MTSS1: variants seen among roughly 807,000 people sequenced by gnomAD.
The protein encoded by MTSS1 is MTSS I-BAR domain containing 1.
MTSS1 carries 18 observed loss-of-function variants against 79.0 expected under a neutral mutation model. That is an observed-to-expected ratio of 0.23 (90% CI 0.16 to 0.34). The LOEUF (loss-of-function observed/expected upper bound fraction) is 0.34. MTSS1 is among the 10% of genes least tolerant of loss of function. The pLI is 1.00. For missense variants in MTSS1, 815 were observed against 986.2 expected (o/e 0.83, Z 2.33); for synonymous variants, 341 against 368.6 (o/e 0.93, Z 0.86).
intron 6 of MTSS1, among the ~76,000 whole-genome samples, chr8:124,572,322 A>G (rs1015700583): frequency 1.3e-5 from 2 of 152,226 alleles, no homozygotes; most frequent in Non-Finnish European, 2.9e-5. Context: ...AGCTAAAACT[A>G]CAATGTTTAT....
At chr8:124,648,717 C>A (rs983125415) in intron 3 of MTSS1, among the ~76,000 whole-genome samples, 18 of 151,938 alleles carry the variant, frequency 1.2e-4, no homozygotes, top group East Asian at 3.9e-4. Context: ...CAGCCCCCCC[C>A]CAGATACTGA....
intron 3 of MTSS1, among the ~76,000 whole-genome samples, chr8:124,593,352 G>A (rs774248545): frequency 5.3e-5 from 8 of 152,330 alleles, no homozygotes; most frequent in Admixed American, 6.5e-5. Context: ...ATGTGGTAGC[G>A]TCTATCAAGA....
intron 1 of MTSS1, among the ~76,000 whole-genome samples, chr8:124,718,664 T>G (rs890856359): frequency 6.6e-6 from 1 of 152,192 alleles, no homozygotes; most frequent in Non-Finnish European, 1.5e-5. Flanking sequence ...CCCTGGGAAC[T>G]AATCCCTGAG....
intron 3 of MTSS1, among the ~76,000 whole-genome samples, chr8:124,669,991 C>T (rs969688069): frequency 2.0e-5 from 3 of 152,180 alleles, no homozygotes; most frequent in African/African-American, 7.2e-5. Context: ...TTACTGAGCG[C>T]CAGGTACTGT....
intron 6 of MTSS1, among the ~76,000 whole-genome samples, chr8:124,574,124 T>C (rs1399285743): frequency 6.6e-6 from 1 of 152,156 alleles, no homozygotes; most frequent in Non-Finnish European, 1.5e-5. Flanking sequence ...TTTGTATTTT[T>C]TGTAGAGACA....
rs117652742 is a variant in MTSS1 at position 124,627,791 on chromosome 8, G to A, written c.209-36556C>T. On this transcript the variant is annotated intron_variant, in intron 3 of 13. Coordinates refer to ENST00000518547, the MANE Select transcript of MTSS1 (RefSeq NM_014751.6). ...CACAGGCCATAGGGAGTCCGGGAGA[G>A]AAGCACAGGGAGACAGTGTGAACTG... is the stretch of plus-strand genomic sequence containing the variant. Among the ~76,000 whole-genome samples the A allele has an allele frequency of 5.7e-3, 876 of 152,378 alleles. 5 individuals are homozygous for A. Among genetic ancestry groups the A allele is most frequent in the Non-Finnish European group, 9.5e-3 (648 of 68,036 alleles).
At chr8:124,556,831 T>G (rs1383501174) in intron 11 of MTSS1, among the ~76,000 whole-genome samples, 1 of 152,180 alleles carries the variant, frequency 6.6e-6, no homozygotes, top group Non-Finnish European at 1.5e-5. Context: ...ACATCAGCCC[T>G]TCTCCCTCCA....
chr8:124,659,468 C>T (rs1156700168), intron 3 of MTSS1, among the ~76,000 whole-genome samples: 1 of 152,120 alleles, frequency 6.6e-6, no homozygotes, highest in Non-Finnish European at 1.5e-5. Flanking sequence ...TAGATTGAAA[C>T]ACATGAATGG....
chr8:124,632,279 C>CAAAAAAAAAAAAA (rs59976165), intron 3 of MTSS1, among the ~76,000 whole-genome samples: 1 of 69,170 alleles, frequency 1.4e-5, no homozygotes, highest in Non-Finnish European at 3.1e-5. Flanking sequence ...GACTCTGTCT[C>CAAAAAAAAAAAAA]AAAAAAAAAA....
intron 1 of MTSS1, among the ~76,000 whole-genome samples, chr8:124,707,268 CA>C (rs1830505716): frequency 6.6e-6 from 1 of 152,018 alleles, no homozygotes; most frequent in African/African-American, 2.4e-5. Flanking sequence ...AAAGGTGGGC[CA>C]GGGGCAGTGG....
chr8:124,676,142 G>A (rs1825246374), intron 3 of MTSS1, among the ~76,000 whole-genome samples: 1 of 152,188 alleles, frequency 6.6e-6, no homozygotes, highest in Non-Finnish European at 1.5e-5. Flanking sequence ...GGCACATGAA[G>A]CGTTTGTGAA....
At chr8:124,587,655 C>T (rs564918970) in intron 5 of MTSS1, among the ~76,000 whole-genome samples, 7 of 152,246 alleles carry the variant, frequency 4.6e-5, no homozygotes, top group African/African-American at 1.4e-4. Context: ...CATGCCACCA[C>T]GCCCAGCTAA....
At chr8:124,653,661 T>C (rs529406632) in intron 3 of MTSS1, among the ~76,000 whole-genome samples, 20 of 152,302 alleles carry the variant, frequency 1.3e-4, no homozygotes, top group African/African-American at 4.8e-4. Context: ...GAGGCTGAGG[T>C]TGCAGTGAGC....
chr8:124,684,385 C>T (rs1016509446), intron 3 of MTSS1, among the ~76,000 whole-genome samples: 2 of 152,126 alleles, frequency 1.3e-5, no homozygotes, highest in African/African-American at 2.4e-5. Context: ...AACTGCAACA[C>T]GGTTTTATAA....
chr8:124,602,207 A>ATATATACATAT, intron 3 of MTSS1, among the ~76,000 whole-genome samples: 1 of 142,222 alleles, frequency 7.0e-6, no homozygotes, highest in African/African-American at 2.7e-5. Context: ...ATATATATAT[A>ATATATACATAT]ATTTTTTTTT....
chr8:124,622,701 G>A (rs1813823182), intron 3 of MTSS1, among the ~76,000 whole-genome samples: 1 of 150,830 alleles, frequency 6.6e-6, no homozygotes, highest in East Asian at 2.0e-4. Context: ...GCTGAGGCAG[G>A]AGAATCGCTT....
At chr8:124,688,170 G>A (rs571089500) in intron 3 of MTSS1, among the ~76,000 whole-genome samples, 110 of 152,184 alleles carry the variant, frequency 7.2e-4, no homozygotes, top group Admixed American at 3.3e-4. Context: ...ATGTGCGTAC[G>A]TGTGCGTGTG....
intron 5 of MTSS1, among the ~76,000 whole-genome samples, chr8:124,587,673 T>C (rs1351273929): frequency 6.6e-6 from 1 of 152,140 alleles, no homozygotes; most frequent in Non-Finnish European, 1.5e-5. Context: ...TAATTGGTTT[T>C]TTTGTATTTT....
intron 1 of MTSS1, among the ~76,000 whole-genome samples, chr8:124,724,635 A>T (rs1410358361): frequency 6.6e-6 from 1 of 152,232 alleles, no homozygotes; most frequent in Non-Finnish European, 1.5e-5. Flanking sequence ...AGACATCCGC[A>T]GAGTGAGCTG....
Sources: gnomAD v4.1 joint callset for allele counts (sites outside exome capture counted in the v4.1 genomes callset) on GRCh38, gnomAD v4.1.1 for gene constraint, MANE v1.5 for transcripts, NCBI Gene and HGNC (gene_info 2026-07-23, HGNC 2026-07-21) for gene names.